Variants in ZNF385D observed in about 807,000 individuals in gnomAD.
ZNF385D encodes the protein zinc finger protein 659.
ZNF385D carries 15 observed loss-of-function variants against 35.8 expected under a neutral mutation model. That is an observed-to-expected ratio of 0.42 (90% CI 0.28 to 0.64). The LOEUF is 0.64. Ranked by LOEUF, ZNF385D falls within the 30% of genes least tolerant of loss-of-function variation. The pLI is 0.23. For synonymous variants in ZNF385D, 212 were observed against 186.8 expected (o/e 1.13, Z -1.10); for missense variants, 474 against 494.6 (o/e 0.96, Z 0.39).
At chr3:21,967,481 A>G (rs190550766) in intron 3 of ZNF385D, among the ~76,000 whole-genome samples, 62 of 152,332 alleles carry the variant, frequency 4.1e-4, no homozygotes, top group Middle Eastern at 3.4e-3. Context: ...ATTTTAAACA[A>G]TGGATCTCAA....
intron 5 of ZNF385D, among the ~76,000 whole-genome samples, chr3:21,435,325 A>G (rs1309608971): frequency 1.4e-5 from 2 of 142,074 alleles, no homozygotes; most frequent in Admixed American, 7.7e-5. Context: ...TGGCGCGATC[A>G]TGGCTCATTG....
intron 2 of ZNF385D, among the ~76,000 whole-genome samples, chr3:22,179,265 C>G (rs1040013976): frequency 6.6e-6 from 1 of 152,104 alleles, no homozygotes; most frequent in Non-Finnish European, 1.5e-5. Context: ...TTTCATTGAG[C>G]AGTGGTTTGT....
intron 2 of ZNF385D, among the ~76,000 whole-genome samples, chr3:22,199,958 T>A (rs1421461808): frequency 6.6e-6 from 1 of 152,070 alleles, no homozygotes; most frequent in Non-Finnish European, 1.5e-5. Context: ...CTTAAAAACT[T>A]TACCTGCTGG....
At chr3:22,255,314 AT>A (rs1391986118) in intron 2 of ZNF385D, among the ~76,000 whole-genome samples, 2 of 150,404 alleles carry the variant, frequency 1.3e-5, no homozygotes, top group Non-Finnish European at 3.0e-5. Flanking sequence ...TTTTTAACCT[AT>A]TTTTTCCTCC....
At chr3:22,310,209 G>A (rs1034047604) in intron 2 of ZNF385D, among the ~76,000 whole-genome samples, 1 of 151,946 alleles carries the variant, frequency 6.6e-6, no homozygotes, top group Non-Finnish European at 1.5e-5. Context: ...TTGCATTCAG[G>A]CGTCATGATT....
intron 2 of ZNF385D, among the ~76,000 whole-genome samples, chr3:21,597,360 CA>C (rs139400366): frequency 1.3e-4 from 19 of 145,762 alleles, no homozygotes; most frequent in Admixed American, 2.1e-4. Flanking sequence ...ACTGTTAATT[CA>C]AAAAAAAAAG....
At chr3:22,165,298 C>T (rs1706239994) in intron 3 of ZNF385D, among the ~76,000 whole-genome samples, 2 of 152,122 alleles carry the variant, frequency 1.3e-5, no homozygotes, top group South Asian at 4.1e-4. Context: ...TATGCTTGAA[C>T]ACGAAACTAT....
At chr3:22,263,459 T>A (rs772662382) in intron 2 of ZNF385D, among the ~76,000 whole-genome samples, 1 of 152,078 alleles carries the variant, frequency 6.6e-6, no homozygotes, top group Non-Finnish European at 1.5e-5. Flanking sequence ...CTATTCCACC[T>A]GAAATAGTGC....
intron 1 of ZNF385D, among the ~76,000 whole-genome samples, chr3:21,680,780 C>T (rs2066874097): frequency 6.6e-6 from 1 of 152,070 alleles, no homozygotes; most frequent in Non-Finnish European, 1.5e-5. Flanking sequence ...TTGCCTATAG[C>T]TTAAGAATTC....
chr3:21,819,610 TTATA>T (rs959819651), intron 3 of ZNF385D, among the ~76,000 whole-genome samples: 2 of 146,924 alleles, frequency 1.4e-5, no homozygotes. Context: ...TGTATATATG[TTATA>T]TATGTATGTA....
intron 2 of ZNF385D, among the ~76,000 whole-genome samples, chr3:21,620,887 C>G (rs2125813080): frequency 6.6e-6 from 1 of 152,256 alleles, no homozygotes; most frequent in East Asian, 1.9e-4. Flanking sequence ...TGTGTTATTA[C>G]TATGCAAAAT....
At chr3:21,872,127 A>G (rs1323982734) in intron 3 of ZNF385D, among the ~76,000 whole-genome samples, 1 of 152,164 alleles carries the variant, frequency 6.6e-6, no homozygotes, top group Non-Finnish European at 1.5e-5. Flanking sequence ...CATTTGTAGA[A>G]GTCTTTGTAC....
intron 2 of ZNF385D, among the ~76,000 whole-genome samples, chr3:22,334,187 A>G (rs892669905): frequency 6.6e-6 from 1 of 152,152 alleles, no homozygotes; most frequent in Admixed American, 6.6e-5. Flanking sequence ...TTAAGCAATT[A>G]TCTTAATTAC....
At chr3:22,303,484 T>A (rs774438326) in intron 2 of ZNF385D, among the ~76,000 whole-genome samples, 3 of 152,144 alleles carry the variant, frequency 2.0e-5, no homozygotes, top group Non-Finnish European at 4.4e-5. Context: ...TCTTGCCTCC[T>A]TTCTTTTTAG....
rs79203583 is a variant in ZNF385D, at chr3:22,239,309, T to C, written c.107-70274A>G. Among the ~76,000 whole-genome samples, 732 of 151,132 alleles carry C rather than the reference T, an allele frequency of 4.8e-3. 47 individuals carry two copies. The highest frequency in any genetic ancestry group is 0.017 in the African/African-American group (678 of 40,880). On this transcript the variant is annotated intron_variant, in intron 2 of 5. Coordinates refer to the ZNF385D transcript ENST00000494108. ...GTGCTTTCACGCTAAAATGGTAACA[T>C]TGTGTAATTACAACAGAGACTCTAT...
intron 2 of ZNF385D, among the ~76,000 whole-genome samples, chr3:22,320,845 A>G (rs1694376325): frequency 1.3e-5 from 2 of 151,932 alleles, no homozygotes; most frequent in Non-Finnish European, 2.9e-5. Context: ...AACATTTAAT[A>G]TTTCATTAAC....
At chr3:22,182,442 A>G (rs553133901) in intron 2 of ZNF385D, among the ~76,000 whole-genome samples, 15 of 152,284 alleles carry the variant, frequency 9.9e-5, no homozygotes, top group African/African-American at 3.6e-4. Context: ...CACATCCATG[A>G]CAGACATAAC....
At chr3:22,009,634 T>TA (rs11335620) in intron 3 of ZNF385D, among the ~76,000 whole-genome samples, 12 of 132,520 alleles carry the variant, frequency 9.1e-5, no homozygotes, top group South Asian at 4.7e-4. Flanking sequence ...AAAAAAAAAA[T>TA]AAAAAAAAAA....
At chr3:22,034,334 T>C (rs1213156564) in intron 3 of ZNF385D, among the ~76,000 whole-genome samples, 1 of 152,096 alleles carries the variant, frequency 6.6e-6, no homozygotes, top group Non-Finnish European at 1.5e-5. Flanking sequence ...ACCTGGAAAA[T>C]GGCCCTCATG....
Sources: allele counts gnomAD v4.1 joint callset (sites outside exome capture counted in the v4.1 genomes callset), GRCh38; gene constraint gnomAD v4.1.1; transcripts MANE v1.5; gene names NCBI Gene and HGNC (gene_info 2026-07-23, HGNC 2026-07-21).